SUCLG2: variants seen among roughly 807,000 people sequenced by gnomAD.
SUCLG2 encodes succinate-CoA ligase GDP-forming subunit beta, also known as succinate--CoA ligase [GDP-forming] subunit beta, mitochondrial.
A neutral mutation model predicts 47.9 loss-of-function variants in SUCLG2; 42 were observed. That is an observed-to-expected ratio of 0.88 (90% CI 0.69 to 1.14). SUCLG2 has a LOEUF of 1.14. Ranked by LOEUF, SUCLG2 falls within the 50% of genes most tolerant of loss-of-function variation. The probability of loss-of-function intolerance (pLI) is 0.00; values close to 1 mark genes in which losing one functional copy is unlikely to be tolerated. For missense variants in SUCLG2, 571 were observed against 525.9 expected (o/e 1.09, Z -0.84); for synonymous variants, 195 against 197.3 (o/e 0.99, Z 0.10).
intron 1 of SUCLG2, among the ~76,000 whole-genome samples, chr3:67,617,158 T>A (rs1253472291): frequency 6.6e-6 from 1 of 152,126 alleles, no homozygotes; most frequent in Admixed American, 6.6e-5. Context: ...AATATAAGTG[T>A]CATAAAATAA....
chr3:67,619,000 T>C (rs928312467), intron 1 of SUCLG2, among the ~76,000 whole-genome samples: 1 of 152,204 alleles, frequency 6.6e-6, no homozygotes, highest in African/African-American at 2.4e-5. Context: ...ACATGTCTTA[T>C]CTAAGGCCTC....
In SUCLG2 at chr3:67,475,314, A is replaced by G. The variant is rs142914451; in HGVS notation, c.1062+20484T>C. ...GAAAATGTTTTTCATTTGTAAGAAA[A>G]CTGAGTGATTTCTCTTCATTGCAAA... is the stretch of plus-strand genomic sequence containing the variant. On this transcript the variant is annotated intron_variant, in intron 9 of 10. Transcript: ENST00000307227. Among the ~76,000 whole-genome samples, 122 of 152,288 alleles carry G rather than the reference A, an allele frequency of 8.0e-4. 2 individuals are homozygous for G. The East Asian group carries it at 0.018, about 22-fold the overall frequency.
intron 2 of SUCLG2, among the ~76,000 whole-genome samples, chr3:67,539,476 G>A (rs1282682368): frequency 6.6e-6 from 1 of 152,136 alleles, no homozygotes; most frequent in African/African-American, 2.4e-5. Flanking sequence ...TTTTATTGAG[G>A]ATTTTAGCAT....
At chr3:67,365,880 G>A (rs1435196852) in intron 10 of SUCLG2, among the ~76,000 whole-genome samples, 2 of 152,084 alleles carry the variant, frequency 1.3e-5, no homozygotes, top group East Asian at 1.9e-4. Flanking sequence ...GGCAGTTTGC[G>A]TATTTAAAGG....
At chr3:67,528,048 T>C in intron 4 of SUCLG2, 84 bp downstream of exon 4, 1 of 1,233,140 alleles carries the variant, frequency 8.1e-7, no homozygotes, top group Non-Finnish European at 1.2e-6. Flanking sequence ...AGTACTTCAT[T>C]AGATTCTGTC....
intron 7 of SUCLG2, among the ~76,000 whole-genome samples, chr3:67,499,611 T>C (rs1232812891): frequency 6.6e-6 from 1 of 152,200 alleles, no homozygotes; most frequent in African/African-American, 2.4e-5. Context: ...GAGACTGCAG[T>C]GGAGAGGGTG....
intron 2 of SUCLG2, among the ~76,000 whole-genome samples, chr3:67,601,560 A>G (rs146190580): frequency 6.6e-6 from 1 of 152,290 alleles, no homozygotes; most frequent in African/African-American, 2.4e-5. Context: ...CAAAACTGCC[A>G]AACTTTACAA....
chr3:67,398,915 G>A (rs993220335), intron 10 of SUCLG2, among the ~76,000 whole-genome samples: 7 of 149,710 alleles, frequency 4.7e-5, no homozygotes, highest in Admixed American at 1.3e-4. Context: ...GTAAACTATC[G>A]CAAGGACAAA....
At chr3:67,434,362 C>CA (rs1206961771) in intron 9 of SUCLG2, among the ~76,000 whole-genome samples, 1 of 152,054 alleles carries the variant, frequency 6.6e-6, no homozygotes, top group Non-Finnish European at 1.5e-5. Context: ...CCTATCTCTA[C>CA]AAAAAATGAA....
chr3:67,582,507 C>T (rs1462002610), intron 2 of SUCLG2, among the ~76,000 whole-genome samples: 2 of 152,102 alleles, frequency 1.3e-5, no homozygotes, highest in African/African-American at 2.4e-5. Context: ...TTTCTTTATC[C>T]GGTCTACCAG....
At chr3:67,601,074 G>A (rs1412688977) in intron 2 of SUCLG2, among the ~76,000 whole-genome samples, 2 of 151,558 alleles carry the variant, frequency 1.3e-5, no homozygotes, top group Non-Finnish European at 2.9e-5. Context: ...ATAATATTTT[G>A]GAAAAAAATT....
chr3:67,494,161 T>C (rs1359980607), intron 9 of SUCLG2, among the ~76,000 whole-genome samples: 1 of 152,194 alleles, frequency 6.6e-6, no homozygotes, highest in Admixed American at 6.5e-5. Context: ...CTATTGCCAG[T>C]ATATTTATTA....
chr3:67,381,177 A>G (rs901852769), intron 10 of SUCLG2, among the ~76,000 whole-genome samples: 3 of 143,662 alleles, frequency 2.1e-5, no homozygotes, highest in African/African-American at 5.3e-5. Flanking sequence ...ACCCACTTCT[A>G]TTTTCAAAAT....
chr3:67,557,951 T>C (rs1373593490), intron 2 of SUCLG2, among the ~76,000 whole-genome samples: 1 of 152,184 alleles, frequency 6.6e-6, no homozygotes, highest in African/African-American at 2.4e-5. Flanking sequence ...ACAAGACTGC[T>C]GATTAATTCA....
intron 1 of SUCLG2, among the ~76,000 whole-genome samples, chr3:67,653,293 T>G (rs1005245872): frequency 4.6e-5 from 7 of 152,200 alleles, no homozygotes; most frequent in Non-Finnish European, 1.0e-4. Context: ...ATTACAACAG[T>G]TATTAGTGAG....
intron 10 of SUCLG2, among the ~76,000 whole-genome samples, chr3:67,389,385 C>G (rs1702330529): frequency 2.6e-5 from 4 of 152,148 alleles, no homozygotes; most frequent in Admixed American, 2.6e-4. Context: ...AGAGATGTGA[C>G]AGACAAATGG....
chr3:67,534,984 T>C (rs367923377), intron 2 of SUCLG2, among the ~76,000 whole-genome samples: 19 of 152,082 alleles, frequency 1.2e-4, no homozygotes, highest in African/African-American at 3.9e-4. Flanking sequence ...TACTGATTAA[T>C]TACAGGACAA....
intron 7 of SUCLG2, among the ~76,000 whole-genome samples, chr3:67,503,906 A>G (rs1285610739): frequency 6.6e-6 from 1 of 152,216 alleles, no homozygotes. Flanking sequence ...TGGCAGTTAG[A>G]GGCCTCTGAC....
chr3:67,628,297 G>C (rs1473586467), intron 1 of SUCLG2, among the ~76,000 whole-genome samples: 3 of 152,190 alleles, frequency 2.0e-5, no homozygotes, highest in African/African-American at 7.2e-5. Flanking sequence ...AGACATTGTA[G>C]GCATTCGATT....
Sources: gnomAD v4.1 joint callset for allele counts (sites outside exome capture counted in the v4.1 genomes callset) on GRCh38, gnomAD v4.1.1 for gene constraint, MANE v1.5 for transcripts, NCBI Gene and HGNC (gene_info 2026-07-23, HGNC 2026-07-21) for gene names.